ATF2: variants seen among roughly 807,000 people sequenced by gnomAD.
ATF2 encodes cyclic AMP-dependent transcription factor ATF-2.
ATF2 carries 24 observed loss-of-function variants against 60.6 expected under a neutral mutation model. That is an observed-to-expected ratio of 0.40 (90% confidence interval 0.29 to 0.56). The LOEUF (loss-of-function observed/expected upper bound fraction) is 0.56, where lower values mean the gene tolerates loss of function less well. ATF2 is among the 20% of genes least tolerant of loss of function. The pLI is 0.54. For synonymous variants in ATF2, 206 were observed against 215.4 expected, an observed-to-expected ratio of 0.96 and a Z score of 0.38; for missense variants, 433 against 607.7, an observed-to-expected ratio of 0.71 and a Z score of 3.02.
rs779682961 is a variant in ATF2 at position 175,167,708 on chromosome 2, G to A, written c.-143+342C>T. On this transcript the variant is annotated intron_variant, in intron 1 of 13. Coordinates refer to ENST00000264110, the MANE Select transcript of ATF2 (RefSeq NM_001880.4). ...CCCGAGGACCTCTGAACTGACCCAAGTAGGGTGAAGATAATTCGGAGGGAG... is the reference window on the plus strand; with the variant it reads ...CCCGAGGACCTCTGAACTGACCCAAATAGGGTGAAGATAATTCGGAGGGAG... 1.2e-5 allele frequency: 6 copies of A among 497,004 alleles called. 1 individual carries two copies. The highest frequency in any genetic ancestry group is 6.2e-5 in the East Asian group (1 of 16,086). The allele number at this position is 497,004 out of a possible 1,614,324, so 30.8% of individuals were successfully genotyped here. A position where few individuals can be genotyped will look rare whatever the true frequency, so the allele number is the denominator to read the frequency against.
rs570902505 is a variant in ATF2, at chr2:175,097,560, G to A, written c.862C>T (p.Pro288Ser). 4.3e-6 allele frequency: 7 copies of A among 1,614,042 alleles called. No individual in the cohort carries two copies. The African/African-American group carries it at 8.0e-5, about 18-fold the overall frequency. Residue 288 changes from proline to serine, a missense_variant, in exon 11 of 14, where the codon CCA (proline) becomes TCA (serine). Physicochemically the swap from Pro to Ser is moderately conservative, Grantham distance 74. Transcript: ENST00000264110. ...LKAALTQQHP[P>S]VTNGDTVKGH... ...TTGACAGTATCACCATTGGTAACTG[G>A]AGGATGTTGCTGGGTCAAAGCAGCT... is the stretch of plus-strand genomic sequence containing the variant.
At chr2:175,095,366 A>G (rs1694863968) in intron 11 of ATF2, among the ~76,000 whole-genome samples, 1 of 152,220 alleles carries the variant, frequency 6.6e-6, no homozygotes, top group African/African-American at 2.4e-5. Context: ...TGCTGGGATT[A>G]TAGGCGTGAG....
intron 4 of ATF2, among the ~76,000 whole-genome samples, chr2:175,123,043 A>G (rs1261604594): frequency 6.6e-6 from 1 of 152,010 alleles, no homozygotes. Context: ...CACTTCCACT[A>G]CTTGACATAT....
Position 175,077,176 on chromosome 2 carries a change from T to C in ATF2, c.1292-2341A>G, listed in dbSNP as rs182900771. ...TATTCCATGATGTATATGTGCCACA[T>C]TTTCTTAATCCAGTCTATCATTGTT... On this transcript the variant is annotated intron_variant, in intron 13 of 13. Transcript: ENST00000264110. Among the ~76,000 whole-genome samples the C allele has an allele frequency of 1.3e-3, 198 of 152,270 alleles. 2 individuals are homozygous for C. Among genetic ancestry groups the C allele is most frequent in the South Asian group, 0.011 (52 of 4,812 alleles).
chr2:175,154,311 G>A (rs1215446218), intron 1 of ATF2, among the ~76,000 whole-genome samples: 1 of 150,982 alleles, frequency 6.6e-6, no homozygotes, highest in Non-Finnish European at 1.5e-5. Context: ...ATTAGCCTAG[G>A]CCTACACAGG....
chr2:175,097,631 C>T, intron 10 of ATF2, 38 bp from the exon 11 acceptor site: 1 of 1,606,364 alleles, frequency 6.2e-7, no homozygotes, highest in East Asian at 2.2e-5. Context: ...TTTTTAAGTC[C>T]TTAAAGATCA....
chr2:175,139,111 A>G lies in ATF2; in HGVS notation c.-43-2625T>C, dbSNP rs150419566. ...AATGCTCGGCACATGAGTACTGGAT[A>G]AAATGGCAGCTGCAGTTCTATTATT... On this transcript the variant is annotated intron_variant, in intron 2 of 13. Transcript: ENST00000264110. Among the ~76,000 whole-genome samples the G allele has an allele frequency of 3.6e-3, 541 of 152,350 alleles. 4 individuals carry two copies. Among genetic ancestry groups the G allele is most frequent in the Middle Eastern group, 0.01 (3 of 294 alleles).
chr2:175,097,671 A>C, intron 10 of ATF2, 78 bp from the exon 11 acceptor site: 1 of 1,498,784 alleles, frequency 6.7e-7, no homozygotes, highest in South Asian at 1.2e-5. Context: ...AAACAATAGC[A>C]CCTTGGGTAG....
At chr2:175,102,029 A>G (rs572175677) in intron 10 of ATF2, among the ~76,000 whole-genome samples, 1 of 152,326 alleles carries the variant, frequency 6.6e-6, no homozygotes, top group Non-Finnish European at 1.5e-5. Context: ...CAATCCAGCC[A>G]TACATATTTG....
intron 7 of ATF2, among the ~76,000 whole-genome samples, chr2:175,117,760 T>C (rs1359089257): frequency 6.6e-6 from 1 of 151,956 alleles, no homozygotes. Flanking sequence ...ATATATCTTT[T>C]AAAAATAAGT....
intron 4 of ATF2, 146 bp downstream of exon 4, chr2:175,129,992 C>A (rs7566401): frequency 0.082 from 46,785 of 571,854 alleles, 2,658 homozygotes; most frequent in African/African-American, 0.21. Context: ...GAATTTCTTG[C>A]CAAAAGTTTC....
rs551049343 is a variant in ATF2 at position 175,155,600 on chromosome 2, T to A, written c.-142-4442A>T. On this transcript the variant is annotated intron_variant, in intron 1 of 13. Transcript: ENST00000264110. ...CAAGAATGAAGAAATCAGTAAAAAA[T>A]TTTGAAAAATTAAATGTATATTTGC... is the stretch of plus-strand genomic sequence containing the variant. Among the ~76,000 whole-genome samples the A allele has an allele frequency of 2.0e-5, 3 of 152,242 alleles. No homozygotes were observed. The East Asian group carries it at 5.8e-4, about 29-fold the overall frequency.
intron 4 of ATF2, among the ~76,000 whole-genome samples, chr2:175,124,675 A>T (rs1697199091): frequency 6.6e-6 from 1 of 151,544 alleles, no homozygotes; most frequent in African/African-American, 2.4e-5. Context: ...TCATGCACAC[A>T]CACGCACACA....
chr2:175,074,595 C>T lies in ATF2; in HGVS notation c.*14G>A. ...CTAATGAGTATCTAAAACTGTTGTACTGCAGGTTTTTAATCAACTTCCTGA... is the reference window on the plus strand; with the variant it reads ...CTAATGAGTATCTAAAACTGTTGTATTGCAGGTTTTTAATCAACTTCCTGA... On this transcript the variant is annotated 3_prime_UTR_variant, in exon 14 of 14. Coordinates refer to ENST00000264110, the MANE Select transcript of ATF2 (RefSeq NM_001880.4). The T allele has an allele frequency of 2.5e-6, 4 of 1,604,514 alleles. No individual in the cohort carries two copies. The highest frequency in any genetic ancestry group is 8.5e-7 in the Non-Finnish European group (1 of 1,174,910).
intron 1 of ATF2, 21 bp downstream of exon 1, chr2:175,168,029 C>T (rs1163401236): frequency 3.8e-6 from 1 of 265,092 alleles, no homozygotes; most frequent in Non-Finnish European, 7.9e-6. Flanking sequence ...GCCCTGCTGA[C>T]CTCTGCCCAT....
intron 1 of ATF2, among the ~76,000 whole-genome samples, chr2:175,167,203 G>A (rs563909544): frequency 1.4e-4 from 21 of 151,902 alleles, no homozygotes; most frequent in Non-Finnish European, 2.4e-4. Context: ...TCCTAGGTTC[G>A]GTTAAACGAG....
chr2:175,077,831 G>C (rs368678793), intron 13 of ATF2, among the ~76,000 whole-genome samples: 217 of 152,242 alleles, frequency 1.4e-3, no homozygotes, highest in African/African-American at 5.2e-3. Context: ...GGGAGAAAAT[G>C]ACTGGTGTAA....
At chr2:175,084,916 C>T (rs1694047468) in intron 12 of ATF2, among the ~76,000 whole-genome samples, 2 of 152,040 alleles carry the variant, frequency 1.3e-5, no homozygotes, top group African/African-American at 4.8e-5. Context: ...TTAGAGAGGA[C>T]CACGTAATTC....
rs1275056093 is a variant in ATF2 at position 175,073,568 on chromosome 2, T to C, written c.*1041A>G. 1 of 152,100 alleles carries C rather than the reference T, an allele frequency of 6.6e-6. No individual in the cohort carries two copies. The highest frequency in any genetic ancestry group is 1.5e-5 in the Non-Finnish European group (1 of 68,014). The allele number at this position is 152,100 out of a possible 1,614,324, so 9.4% of individuals were successfully genotyped here. ...CTAAAGATAGATACTGATTTTTTTT[T>C]CCACGAGAAACATTATCAAAATTTG... On this transcript the variant is annotated 3_prime_UTR_variant, in exon 14 of 14. Coordinates refer to ENST00000264110, the MANE Select transcript of ATF2 (RefSeq NM_001880.4).
Sources: allele counts gnomAD v4.1 joint callset (sites outside exome capture counted in the v4.1 genomes callset), GRCh38; gene constraint gnomAD v4.1.1; transcripts MANE v1.5; gene names NCBI Gene and HGNC (gene_info 2026-07-23, HGNC 2026-07-21).